The following CNIH3 variants were observed in gnomAD, a reference collection of about 807,000 sequenced individuals.
The protein encoded by CNIH3 is cornichon family AMPA receptor auxiliary protein 3, also known as protein cornichon homolog 3.
Under a neutral mutation model 24.1 loss-of-function variants are expected in CNIH3, and 14 were observed. The ratio of observed to expected loss-of-function variants is 0.58; its 90% CI spans 0.38 to 0.91. The LOEUF is 0.91. Among genes scored for constraint, CNIH3 ranks in the 40% least tolerant of loss-of-function variants. The probability of loss-of-function intolerance (pLI) is 0.00; values close to 1 mark genes in which losing one functional copy is unlikely to be tolerated. For missense variants in CNIH3, 178 were observed against 196.8 expected (o/e 0.90, Z 0.57); for synonymous variants, 68 against 73.8 (o/e 0.92, Z 0.40).
chr1:224,739,075 G>C (rs1254298470), intron 5 of CNIH3, among the ~76,000 whole-genome samples: 1 of 152,060 alleles, frequency 6.6e-6, no homozygotes, highest in Non-Finnish European at 1.5e-5. Context: ...ATGATAATAG[G>C]CACTTAGAGC....
intron 1 of CNIH3, among the ~76,000 whole-genome samples, chr1:224,484,112 A>G (rs1018852243): frequency 2.0e-5 from 3 of 151,382 alleles, no homozygotes; most frequent in African/African-American, 4.9e-5. Flanking sequence ...TGGAGGTTGC[A>G]GTGAGCGGAG....
chr1:224,674,598 A>C (rs1686044476), intron 1 of CNIH3, among the ~76,000 whole-genome samples: 1 of 151,944 alleles, frequency 6.6e-6, no homozygotes. Context: ...TAGTTGCTTC[A>C]TGGTCCTGTG....
At chr1:224,444,440 C>G (rs1266711958) in intron 1 of CNIH3, among the ~76,000 whole-genome samples, 1 of 151,970 alleles carries the variant, frequency 6.6e-6, no homozygotes, top group Admixed American at 6.6e-5. Context: ...CTCACTGCAA[C>G]CTCTGCCTTC....
At chr1:224,532,333 G>A (rs760322404) in intron 2 of CNIH3, among the ~76,000 whole-genome samples, 7 of 152,224 alleles carry the variant, frequency 4.6e-5, no homozygotes, top group East Asian at 1.9e-4. Context: ...GGGCCTTGTG[G>A]GCTTTGGGTT....
rs1055221330 is a variant in CNIH3 at position 224,492,187 on chromosome 1, T to C, written n.204-23554T>C. ...CTCAACTCCACATTCAGTGATGTCA[T>C]GTTAACATTGGCCATGACAGGAATA... On this transcript the variant is annotated intron_variant and non_coding_transcript_variant, in intron 1 of 5. Coordinates refer to the CNIH3 transcript ENST00000471578. Among the ~76,000 whole-genome samples, 15 of 152,260 alleles carry C rather than the reference T, an allele frequency of 9.9e-5. 1 individual carries two copies. The highest frequency in any genetic ancestry group is 6.5e-5 in the Admixed American group (1 of 15,292).
chr1:224,535,201 A>T (rs892526534), intron 2 of CNIH3, among the ~76,000 whole-genome samples: 1 of 152,158 alleles, frequency 6.6e-6, no homozygotes, highest in African/African-American at 2.4e-5. Context: ...GGGAATCTGG[A>T]CGTAGACGCA....
intron 2 of CNIH3, among the ~76,000 whole-genome samples, chr1:224,682,508 A>G (rs1326791767): frequency 6.6e-6 from 1 of 152,238 alleles, no homozygotes; most frequent in African/African-American, 2.4e-5. Flanking sequence ...ATTTTAATGC[A>G]AGTTTAAAGA....
At chr1:224,539,570 TGG>T (rs2124946231), downstream of CNIH3, among the ~76,000 whole-genome samples, 1 of 152,334 alleles carries the variant, frequency 6.6e-6, no homozygotes, top group East Asian at 1.9e-4. Context: ...AGTTCCAGGC[TGG>T]GACTTTACAA....
At chr1:224,697,963 G>A (rs543171478) in intron 3 of CNIH3, among the ~76,000 whole-genome samples, 5 of 152,176 alleles carry the variant, frequency 3.3e-5, no homozygotes, top group Non-Finnish European at 7.3e-5. Flanking sequence ...GAATTAATTC[G>A]CATGCTCCAG....
intron 1 of CNIH3, among the ~76,000 whole-genome samples, chr1:224,477,947 G>A (rs1181824394): frequency 6.6e-6 from 1 of 152,034 alleles, no homozygotes; most frequent in Non-Finnish European, 1.5e-5. Context: ...CTATTTTAGA[G>A]TAAAAGTTTT....
chr1:224,490,054 T>C lies in CNIH3; in HGVS notation n.204-25687T>C, dbSNP rs190901963. Among the ~76,000 whole-genome samples, 7 of 152,348 alleles carry C rather than the reference T, an allele frequency of 4.6e-5. No homozygotes were observed. The East Asian group carries it at 1.3e-3, about 29-fold the overall frequency. ...AAATAGGGACAAGTAAGCAAGTTAC[T>C]ATCAAAGACTCAGACAAAAGCATTT... On this transcript the variant is annotated intron_variant and non_coding_transcript_variant, in intron 1 of 5. Transcript: ENST00000471578.
At chr1:224,636,309 A>C (rs1189082238) in intron 1 of CNIH3, among the ~76,000 whole-genome samples, 1 of 152,218 alleles carries the variant, frequency 6.6e-6, no homozygotes, top group Non-Finnish European at 1.5e-5. Flanking sequence ...ATAGTCCTGG[A>C]ATCCTGACAC....
At chr1:224,482,777 G>A (rs1676866700) in intron 1 of CNIH3, among the ~76,000 whole-genome samples, 1 of 152,036 alleles carries the variant, frequency 6.6e-6, no homozygotes. Context: ...TGCTCCTCAG[G>A]TCCTTTGGCT....
At chr1:224,626,984 C>G (rs1373562299) in intron 1 of CNIH3, among the ~76,000 whole-genome samples, 1 of 152,162 alleles carries the variant, frequency 6.6e-6, no homozygotes, top group Non-Finnish European at 1.5e-5. Context: ...TCTCCAGGTA[C>G]AAACCTGTGT....
chr1:224,482,049 A>T (rs1031398097), intron 1 of CNIH3, among the ~76,000 whole-genome samples: 31 of 152,114 alleles, frequency 2.0e-4, no homozygotes, highest in African/African-American at 6.8e-4. Flanking sequence ...CAGTGCTAGG[A>T]TACTGCGGAT....
rs140608448 is a variant in CNIH3 at position 224,586,752 on chromosome 1, G to A, written n.621-1609G>A. 1.3e-3 allele frequency among the ~76,000 whole-genome samples: 201 copies of A among 152,334 alleles called. 1 individual carries two copies. In the Middle Eastern group the frequency reaches 0.027, roughly 21 times the overall value. ...TTGAGATAAAATCATCCTGGATTCA[G>A]GGTAGGCCCTAAATCCAATGACTGG... On this transcript the variant is annotated intron_variant and non_coding_transcript_variant, in intron 5 of 5. Coordinates refer to the CNIH3 transcript ENST00000471578.
intron 4 of CNIH3, among the ~76,000 whole-genome samples, chr1:224,567,840 A>T (rs1007671092): frequency 3.3e-5 from 5 of 152,186 alleles, no homozygotes; most frequent in African/African-American, 9.7e-5. Flanking sequence ...AAATGACCCC[A>T]CTGGGATGTT....
At chr1:224,655,471 A>C (rs960324343) in intron 1 of CNIH3, among the ~76,000 whole-genome samples, 2 of 152,124 alleles carry the variant, frequency 1.3e-5, no homozygotes, top group African/African-American at 4.8e-5. Flanking sequence ...GAAAATGGAC[A>C]TGCAAGCAGG....
chr1:224,555,044 G>A (rs541286581), intron 3 of CNIH3, among the ~76,000 whole-genome samples: 148 of 152,272 alleles, frequency 9.7e-4, no homozygotes, highest in Admixed American at 3.0e-3. Context: ...ATTTGTTGGG[G>A]GTAGTAGGGG....
Sources: allele counts gnomAD v4.1 joint callset (sites outside exome capture counted in the v4.1 genomes callset), GRCh38; gene constraint gnomAD v4.1.1; transcripts MANE v1.5; gene names NCBI Gene and HGNC (gene_info 2026-07-23, HGNC 2026-07-21).